BARD1: variants seen among roughly 807,000 people sequenced by gnomAD.
BARD1 encodes BRCA1-associated RING domain protein 1.
Under a neutral mutation model 77.0 loss-of-function variants are expected in BARD1, and 73 were observed. The observed-to-expected ratio is 0.95, with a 90% CI of 0.79 to 1.15. The LOEUF (loss-of-function observed/expected upper bound fraction) is 1.15. Ranked by LOEUF, BARD1 falls within the 50% of genes most tolerant of loss-of-function variation. The pLI, the probability that BARD1 is intolerant of heterozygous loss-of-function variation, is 0.00. For missense variants in BARD1, 993 were observed against 938.8 expected (o/e 1.06, Z -0.75); for synonymous variants, 384 against 338.0 (o/e 1.14, Z -1.49).
Position 214,783,530 on chromosome 2 carries a change from GGGA to G in BARD1, c.365-2024_365-2022del, listed in dbSNP as rs1446269309. Among the ~76,000 whole-genome samples, 7 of 152,104 alleles carry G rather than the reference GGGA, an allele frequency of 4.6e-5. No individual in the cohort carries two copies. The East Asian group carries it at 1.4e-3, about 29-fold the overall frequency. On this transcript the variant is annotated intron_variant, in intron 3 of 10. Transcript: ENST00000260947. ...TAAACAATGGGAAGACATGGACACAGGGAGGAGAACATCACACACCAGGGCCTG... is the reference window on the plus strand; with the variant it reads ...TAAACAATGGGAAGACATGGACACAGGGAGAACATCACACACCAGGGCCTG...
rs77885603 is a variant in BARD1, at chr2:214,737,026, G to A, written c.1904-6518C>T. 2.6e-3 allele frequency among the ~76,000 whole-genome samples: 392 copies of A among 152,206 alleles called. 2 individuals carry two copies. Among genetic ancestry groups the A allele is most frequent in the African/African-American group, 8.8e-3 (365 of 41,552 alleles). ...AGGTCTACAACTACATTTGAAGGGT[G>A]GCAAAGTGTTTTGTTAAAGTTGCTG... On this transcript the variant is annotated intron_variant, in intron 9 of 10. Transcript: ENST00000260947.
chr2:214,775,268 A>G (rs985290379), intron 4 of BARD1, among the ~76,000 whole-genome samples: 2 of 152,176 alleles, frequency 1.3e-5, no homozygotes, highest in African/African-American at 4.8e-5. Context: ...GTAAGAGATG[A>G]GTGACTCTTC....
chr2:214,793,377 C>A (rs1313848382), intron 2 of BARD1, among the ~76,000 whole-genome samples: 7 of 152,146 alleles, frequency 4.6e-5, no homozygotes, highest in Admixed American at 4.6e-4. Flanking sequence ...CATACCAGAG[C>A]TGGAAGAGAC....
intron 3 of BARD1, among the ~76,000 whole-genome samples, chr2:214,783,621 T>C (rs1313062045): frequency 1.3e-5 from 2 of 152,070 alleles, no homozygotes; most frequent in African/African-American, 2.4e-5. Context: ...ATGTGGGTCT[T>C]AAAACCTAGA....
At chr2:214,749,245 A>G (rs1357662173) in intron 7 of BARD1, among the ~76,000 whole-genome samples, 1 of 151,906 alleles carries the variant, frequency 6.6e-6, no homozygotes. Context: ...TGTTTGGTGG[A>G]CTCAAGACAC....
rs1174079177 is a variant in BARD1, at chr2:214,781,485, T to G, written c.389A>C (p.Lys130Thr). ...GTTTCCTGCATCATTAAACAAACTT[T>G]TCCTAGGTTTATCTTCTTTCAAATC... ...LSDLKEDKPR[K>T]SLFNDAGNKK... Residue 130 changes from lysine (K) to threonine (T), a missense_variant, in exon 4 of 11, where the codon AAA becomes ACA. Transcript: ENST00000260947. 1 of 1,611,638 alleles carries G rather than the reference T, an allele frequency of 6.2e-7. No homozygotes were observed. The highest frequency in any genetic ancestry group is 8.5e-7 in the Non-Finnish European group (1 of 1,179,366).
rs876658241 is a variant in BARD1 at position 214,792,311 on chromosome 2, T to C, written c.350A>G (p.Asp117Gly). The C allele has an allele frequency of 1.2e-6, 2 of 1,613,360 alleles. No individual in the cohort carries two copies. The highest frequency in any genetic ancestry group is 3.3e-5 in the Admixed American group (2 of 59,898). The part of the protein sequence containing the change: ...LCSKLRNLLH[D>G]NELSDLKEDK... The stretch of plus-strand genomic sequence containing the variant: ...ATAGTTCTTACCTGACAGCTCATTG[T>C]CATGTAGCAAATTTCGAAGCTTACT... The change falls in exon 3 of 11, where the codon GAC (aspartate) becomes GGC (glycine). Residue 117 changes from aspartate (D) to glycine (G), a missense_variant. Asp to Gly is a moderately conservative substitution (Grantham distance 94). Transcript: ENST00000260947.
chr2:214,790,167 G>T (rs547824430), intron 3 of BARD1, among the ~76,000 whole-genome samples: 2 of 151,904 alleles, frequency 1.3e-5, no homozygotes, highest in African/African-American at 2.4e-5. Context: ...CACCCCTATG[G>T]TATGCCATAA....
chr2:214,738,156 T>C (rs1360854578), intron 9 of BARD1, among the ~76,000 whole-genome samples: 2 of 152,198 alleles, frequency 1.3e-5, no homozygotes, highest in African/African-American at 2.4e-5. Context: ...CATATGTTCC[T>C]TTATAGTTGA....
intron 9 of BARD1, among the ~76,000 whole-genome samples, chr2:214,732,422 G>C (rs1008540294): frequency 6.7e-6 from 1 of 149,340 alleles, no homozygotes; most frequent in Non-Finnish European, 1.5e-5. Flanking sequence ...CTGAGACAGA[G>C]TCTTGCACTG....
chr2:214,754,355 A>AG (rs1188064198), intron 6 of BARD1, among the ~76,000 whole-genome samples: 11 of 151,454 alleles, frequency 7.3e-5, no homozygotes, highest in African/African-American at 1.2e-4. Flanking sequence ...AGAAAAAATG[A>AG]GAAAAAAAAA....
chr2:214,744,902 A>G (rs1693026200), intron 9 of BARD1, among the ~76,000 whole-genome samples, 165 bp downstream of exon 9: 1 of 152,198 alleles, frequency 6.6e-6, no homozygotes, highest in South Asian at 2.1e-4. Flanking sequence ...AAGTGCTGGG[A>G]TTACAGGCTT....
chr2:214,740,623 A>T (rs1272864662), intron 9 of BARD1, among the ~76,000 whole-genome samples: 1 of 152,004 alleles, frequency 6.6e-6, no homozygotes, highest in Admixed American at 6.5e-5. Flanking sequence ...TTTAGTCTTA[A>T]TATTTATCAT....
intron 1 of BARD1, among the ~76,000 whole-genome samples, chr2:214,809,156 T>C (rs1201945340): frequency 1.3e-5 from 2 of 152,174 alleles, no homozygotes; most frequent in Non-Finnish European, 2.9e-5. Context: ...AGACGGTTCT[T>C]CAGCCCGCTG....
chr2:214,803,418 A>G (rs1177075854), intron 1 of BARD1, among the ~76,000 whole-genome samples: 2 of 152,236 alleles, frequency 1.3e-5, no homozygotes, highest in Non-Finnish European at 2.9e-5. Flanking sequence ...GTCTCAGTAT[A>G]AAACCCGATT....
chr2:214,777,512 T>C (rs3768710), intron 4 of BARD1, among the ~76,000 whole-genome samples: 15,766 of 152,202 alleles, frequency 0.1, 1,174 homozygotes, highest in East Asian at 0.42. Context: ...TTTACCAACA[T>C]GCTTAAGAAA....
chr2:214,729,114 T>A, intron 10 of BARD1, 106 bp from the exon 11 acceptor site: 6 of 1,292,304 alleles, frequency 4.6e-6, no homozygotes, highest in Non-Finnish European at 6.5e-6. Context: ...ATCCCTTACC[T>A]GAAACATTTG....
chr2:214,752,440 T>C lies in BARD1; in HGVS notation c.1677+7A>G. 1 of 1,595,154 alleles carries C rather than the reference T, an allele frequency of 6.3e-7. No individual in the cohort carries two copies. Among genetic ancestry groups the C allele is most frequent in the Non-Finnish European group, 8.6e-7 (1 of 1,162,866 alleles). ...TATAAATGTCCCAAAGCTAAATCCATACTTACTACTGAGCAGTGGCTAGCT... is the reference window on the plus strand; with the variant it reads ...TATAAATGTCCCAAAGCTAAATCCACACTTACTACTGAGCAGTGGCTAGCT... On this transcript the variant is annotated splice_region_variant and intron_variant, in intron 7 of 10. Coordinates refer to ENST00000260947, the MANE Select transcript of BARD1 (RefSeq NM_000465.4).
At position 214,792,309 on chromosome 2, in the gene BARD1, T is replaced by C; in HGVS notation, c.352A>G (p.Asn118Asp). 1 of 1,613,480 alleles carries C rather than the reference T, an allele frequency of 6.2e-7. No homozygotes were observed. The highest frequency in any genetic ancestry group is 8.5e-7 in the Non-Finnish European group (1 of 1,179,702). ...CSKLRNLLHDNELSDLKEDKP... is the reference protein window; with the variant it reads ...CSKLRNLLHDDELSDLKEDKP... The stretch of plus-strand genomic sequence containing the variant: ...GGATAGTTCTTACCTGACAGCTCAT[T>C]GTCATGTAGCAAATTTCGAAGCTTA... The change falls in exon 3 of 11, where the codon AAT becomes GAT. Residue 118 changes from asparagine to aspartate, a missense_variant. Coordinates refer to ENST00000260947, the MANE Select transcript of BARD1 (RefSeq NM_000465.4).
Sources: gnomAD v4.1 joint callset for allele counts (sites outside exome capture counted in the v4.1 genomes callset) on GRCh38, gnomAD v4.1.1 for gene constraint, MANE v1.5 for transcripts, NCBI Gene and HGNC (gene_info 2026-07-23, HGNC 2026-07-21) for gene names.